Variants in ANGPT1 observed in about 807,000 individuals in gnomAD.
The protein encoded by ANGPT1 is angiopoietin-1.
ANGPT1 carries 17 observed loss-of-function variants against 62.2 expected under a neutral mutation model. The ratio of observed to expected loss-of-function variants is 0.27; its 90% confidence interval spans 0.19 to 0.41. The LOEUF is 0.41. ANGPT1 is among the 10% of genes least tolerant of loss of function. ANGPT1 has a pLI of 1.00. For missense variants in ANGPT1, 478 were observed against 594.9 expected, an observed-to-expected ratio of 0.80 and a Z score of 2.04; for synonymous variants, 199 against 198.9, an observed-to-expected ratio of 1.00 and a Z score of 0.00.
intron 5 of ANGPT1, among the ~76,000 whole-genome samples, chr8:107,300,034 G>GATATAACTATATATATAGTTATATCTAT: frequency 7.2e-6 from 1 of 138,034 alleles, no homozygotes; most frequent in African/African-American, 2.6e-5. Flanking sequence ...GTTATATCTA[G>GATATAACTATATATATAGTTATATCTAT]ATATAACTAT....
intron 7 of ANGPT1, among the ~76,000 whole-genome samples, chr8:107,266,623 C>T (rs1020994087): frequency 6.6e-6 from 1 of 152,134 alleles, no homozygotes; most frequent in Admixed American, 6.6e-5. Flanking sequence ...GCAATTTTAA[C>T]TCTGATTTTT....
intron 7 of ANGPT1, among the ~76,000 whole-genome samples, chr8:107,282,523 T>A (rs1309388499): frequency 7.3e-6 from 1 of 136,926 alleles, no homozygotes. Flanking sequence ...ATATCATATA[T>A]TATATTATAT....
Position 107,388,936 on chromosome 8 carries a change from C to A in ANGPT1, c.298-41839G>T, listed in dbSNP as rs186899032. ...ATTGTACACTTTTGTTCAAAGGAGC[C>A]TGACATATTGTTTATTTAATTTGAA... On this transcript the variant is annotated intron_variant, in intron 1 of 8. Coordinates refer to ENST00000517746, the MANE Select transcript of ANGPT1 (RefSeq NM_001146.5). Among the ~76,000 whole-genome samples, 597 of 152,220 alleles carry A rather than the reference C, an allele frequency of 3.9e-3. 2 individuals carry two copies. The highest frequency in any genetic ancestry group is 6.0e-3 in the Non-Finnish European group (408 of 68,002).
intron 1 of ANGPT1, among the ~76,000 whole-genome samples, chr8:107,473,450 G>T (rs940210417): frequency 6.6e-6 from 1 of 151,630 alleles, no homozygotes; most frequent in African/African-American, 2.4e-5. Flanking sequence ...TCAGAGTCAG[G>T]TTGTCTAAAA....
intron 1 of ANGPT1, among the ~76,000 whole-genome samples, chr8:107,444,510 A>C (rs548679075): frequency 6.6e-6 from 1 of 152,192 alleles, no homozygotes. Flanking sequence ...TCAGTGAAAC[A>C]AAACCACTCT....
At chr8:107,389,149 C>A (rs987355874) in intron 1 of ANGPT1, among the ~76,000 whole-genome samples, 1 of 152,142 alleles carries the variant, frequency 6.6e-6, no homozygotes, top group Non-Finnish European at 1.5e-5. Context: ...TAAAAATTTA[C>A]TGAGCCTGGA....
At chr8:107,429,972 C>G (rs1056232352) in intron 1 of ANGPT1, among the ~76,000 whole-genome samples, 1 of 129,282 alleles carries the variant, frequency 7.7e-6, no homozygotes, top group Non-Finnish European at 1.8e-5. Flanking sequence ...GAAAAAAATC[C>G]ATTTGTCATG....
intron 1 of ANGPT1, among the ~76,000 whole-genome samples, chr8:107,427,794 T>C (rs1411499078): frequency 6.7e-6 from 1 of 148,602 alleles, no homozygotes; most frequent in Non-Finnish European, 1.5e-5. Context: ...GATCTTCAAA[T>C]TTGATCTTCT....
intron 1 of ANGPT1, among the ~76,000 whole-genome samples, chr8:107,474,831 A>G (rs1003119151): frequency 6.6e-6 from 1 of 152,212 alleles, no homozygotes; most frequent in Non-Finnish European, 1.5e-5. Flanking sequence ...ACTCCCATTC[A>G]CAATTGCTTC....
chr8:107,363,026 A>C (rs1816197651), intron 1 of ANGPT1, among the ~76,000 whole-genome samples: 1 of 151,244 alleles, frequency 6.6e-6, no homozygotes, highest in Non-Finnish European at 1.5e-5. Context: ...CGGCATGAAG[A>C]GCTATTTTTA....
intron 1 of ANGPT1, among the ~76,000 whole-genome samples, chr8:107,492,671 C>T (rs1166811206): frequency 7.0e-6 from 1 of 142,264 alleles, no homozygotes; most frequent in Non-Finnish European, 1.5e-5. Context: ...AGGAAGTTCC[C>T]ACAAATGTGA....
At position 107,370,356 on chromosome 8, in the gene ANGPT1, GAAAGAAAGA is replaced by G. The variant is rs1816370991; in HGVS notation, c.298-23268_298-23260del. On this transcript the variant is annotated intron_variant, in intron 1 of 8. Transcript: ENST00000517746. Reference sequence around the variant, plus strand: ...AAAGAAAGAAAAAGAAAGAAAGAAAGAAAGAAAGAAAGAAAGAAAGAAAGAAAGAAAGAA... The same window carrying G: ...AAAGAAAGAAAAAGAAAGAAAGAAAGAAGAAAGAAAGAAAGAAAGAAAGAA... 3.8e-4 allele frequency among the ~76,000 whole-genome samples: 10 copies of G among 26,664 alleles called. 4 individuals carry two copies. The highest frequency in any genetic ancestry group is 6.8e-4 in the African/African-American group (10 of 14,808). The allele number at this position is 26,664 out of a possible 152,430, so 17.5% of individuals were successfully genotyped here. A position where few individuals can be genotyped will look rare whatever the true frequency, so the allele number is the denominator to read the frequency against.
At chr8:107,252,798 ATTAAG>A (rs771007931) in intron 8 of ANGPT1, among the ~76,000 whole-genome samples, 47 of 152,322 alleles carry the variant, frequency 3.1e-4, no homozygotes, top group Non-Finnish European at 5.1e-4. Context: ...TTTTAAATAA[ATTAAG>A]TTCTTAGATT....
At chr8:107,431,806 T>G (rs1432095689) in intron 1 of ANGPT1, among the ~76,000 whole-genome samples, 2 of 152,174 alleles carry the variant, frequency 1.3e-5, no homozygotes, top group Non-Finnish European at 2.9e-5. Flanking sequence ...AAGACTAGAT[T>G]GCTTCATAAA....
rs1813201817 is a variant in ANGPT1, at chr8:107,249,558, C to G, written c.*2297G>C. 1 of 152,070 alleles carries G rather than the reference C, an allele frequency of 6.6e-6. No homozygotes were observed. The highest frequency in any genetic ancestry group is 1.5e-5 in the Non-Finnish European group (1 of 67,994). 9.4% of individuals were successfully genotyped at this position (152,070 alleles called of 1,614,324 possible). ...TATGAAGAACTTTGCATAGAAACCA[C>G]ATGAATTTTAAAGACAAAATTCGAA... On this transcript the variant is annotated 3_prime_UTR_variant, in exon 9 of 9. Transcript: ENST00000517746.
At chr8:107,449,427 C>CACACAG (rs398009269) in intron 1 of ANGPT1, among the ~76,000 whole-genome samples, 78 of 147,594 alleles carry the variant, frequency 5.3e-4, no homozygotes, top group Non-Finnish European at 9.3e-4. Flanking sequence ...CACACACACA[C>CACACAG]AGAAAACTTC....
chr8:107,493,499 C>A (rs1246165538), intron 1 of ANGPT1, among the ~76,000 whole-genome samples: 1 of 150,412 alleles, frequency 6.6e-6, no homozygotes, highest in Non-Finnish European at 1.5e-5. Flanking sequence ...TAACCACCTA[C>A]TCTGGACCCA....
intron 1 of ANGPT1, among the ~76,000 whole-genome samples, chr8:107,356,935 A>G (rs1816059187): frequency 6.6e-6 from 1 of 152,220 alleles, no homozygotes; most frequent in Non-Finnish European, 1.5e-5. Flanking sequence ...TACCCATTTA[A>G]TAACATATAT....
At chr8:107,476,066 C>T (rs1812518008) in intron 1 of ANGPT1, among the ~76,000 whole-genome samples, 1 of 152,064 alleles carries the variant, frequency 6.6e-6, no homozygotes, top group Admixed American at 6.6e-5. Context: ...ACCATTTGAC[C>T]CAGCTATCCC....
Sources: gnomAD v4.1 joint callset for allele counts (sites outside exome capture counted in the v4.1 genomes callset) on GRCh38, gnomAD v4.1.1 for gene constraint, MANE v1.5 for transcripts, NCBI Gene and HGNC (gene_info 2026-07-23, HGNC 2026-07-21) for gene names.